The following SDK1 variants were observed in gnomAD, a reference collection of about 807,000 sequenced individuals.
The protein encoded by SDK1 is sidekick cell adhesion molecule 1.
In SDK1, 157 loss-of-function variants were observed where a neutral mutation model predicts 245.5. That is an observed-to-expected ratio of 0.64 (90% confidence interval 0.56 to 0.73). The LOEUF is 0.73. SDK1 is among the 30% of genes least tolerant of loss of function. SDK1 has a pLI of 0.00. For missense variants in SDK1, 3,583 were observed against 3,002.3 expected (o/e 1.19, Z -4.52); for synonymous variants, 1,647 against 1,278.5 (o/e 1.29, Z -6.15).
intron 5 of SDK1, among the ~76,000 whole-genome samples, chr7:3,917,109 G>A (rs1004343445): frequency 3.9e-5 from 6 of 152,294 alleles, no homozygotes; most frequent in Middle Eastern, 3.4e-3. Context: ...TCCTGAAATA[G>A]TATAAAACAT....
chr7:4,034,679 C>A (rs371384737), intron 17 of SDK1, among the ~76,000 whole-genome samples: 10 of 152,142 alleles, frequency 6.6e-5, no homozygotes, highest in Non-Finnish European at 1.3e-4. Context: ...GGAGTTTATT[C>A]CAAAAATGAA....
intron 1 of SDK1, among the ~76,000 whole-genome samples, chr7:3,579,154 A>T (rs542635482): frequency 6.6e-6 from 1 of 152,152 alleles, no homozygotes; most frequent in South Asian, 2.1e-4. Context: ...CAATAAATTG[A>T]GGAGGAGGGA....
rs1783482699 is a variant in SDK1 at position 3,664,996 on chromosome 7, C to CTTT, written c.713+22892_713+22894dup. Among the ~76,000 whole-genome samples the CTTT allele has an allele frequency of 2.0e-5, 3 of 152,260 alleles. No homozygotes were observed. In the South Asian group the frequency reaches 6.2e-4, roughly 32 times the overall value. On this transcript the variant is annotated intron_variant, in intron 4 of 44. Coordinates refer to ENST00000404826, the MANE Select transcript of SDK1 (RefSeq NM_152744.4). ...GCAGGATGATTCAGACCATTATAAA[C>CTTT]TTTGAGTAGGCTCTTCTGAATAACT...
chr7:3,736,046 T>A (rs1168193987), intron 4 of SDK1, among the ~76,000 whole-genome samples: 1 of 152,160 alleles, frequency 6.6e-6, no homozygotes, highest in Non-Finnish European at 1.5e-5. Flanking sequence ...TTTGTTTTTC[T>A]CTTGTTGAAT....
At chr7:4,053,305 C>T (rs528851396) in intron 19 of SDK1, among the ~76,000 whole-genome samples, 12 of 152,120 alleles carry the variant, frequency 7.9e-5, no homozygotes, top group Middle Eastern at 6.8e-3. Context: ...GCCACCAAGA[C>T]GGATTCCTTG....
chr7:4,078,555 A>T (rs1780844878), intron 21 of SDK1, among the ~76,000 whole-genome samples: 1 of 152,122 alleles, frequency 6.6e-6, no homozygotes, highest in Admixed American at 6.5e-5. Context: ...GCAACAGCAA[A>T]TGAGGAAAGC....
At chr7:3,665,368 A>G (rs865949095) in intron 4 of SDK1, among the ~76,000 whole-genome samples, 7 of 152,240 alleles carry the variant, frequency 4.6e-5, no homozygotes, top group African/African-American at 1.4e-4. Context: ...ATGAATCTAC[A>G]TATCAGTTAA....
chr7:3,335,406 A>G (rs537246330), intron 1 of SDK1, among the ~76,000 whole-genome samples: 1 of 145,716 alleles, frequency 6.9e-6, no homozygotes, highest in East Asian at 2.1e-4. Context: ...GATAAGATAC[A>G]TAATGGTACT....
intron 4 of SDK1, among the ~76,000 whole-genome samples, chr7:3,812,800 T>G (rs1357910063): frequency 1.3e-5 from 2 of 152,218 alleles, no homozygotes; most frequent in Non-Finnish European, 2.9e-5. Context: ...CCTGCCTGAA[T>G]GCAGTTGTGC....
intron 43 of SDK1, among the ~76,000 whole-genome samples, chr7:4,244,840 C>G (rs1232542857): frequency 6.6e-6 from 1 of 152,218 alleles, no homozygotes; most frequent in Non-Finnish European, 1.5e-5. Flanking sequence ...CTTCTTGGCC[C>G]TCCTCTGGAG....
At chr7:3,574,679 T>A (rs546671030) in intron 1 of SDK1, among the ~76,000 whole-genome samples, 10 of 152,138 alleles carry the variant, frequency 6.6e-5, no homozygotes, top group African/African-American at 2.2e-4. Context: ...GCTAAAGTAG[T>A]GTATAAAGTA....
chr7:4,040,925 G>C (rs1045490315), intron 17 of SDK1, among the ~76,000 whole-genome samples: 1 of 152,198 alleles, frequency 6.6e-6, no homozygotes, highest in Non-Finnish European at 1.5e-5. Flanking sequence ...CAAGTTTCTA[G>C]CTTGCTTATC....
chr7:3,301,656 G>C lies in SDK1; in HGVS notation c.70G>C (p.Gly24Arg). ...CGGCGCGGAGCCCCCTGAGCGCGCG[G>C]GCCCCGGGCGGCCGCGGGGATCCCC... ...GGGAEPPERA[G>R]PGRPRGSPPG... Residue 24 changes from glycine to arginine, a missense_variant, in exon 1 of 45, where the codon GGC (glycine) becomes CGC (arginine). By Grantham distance (125) the Gly-to-Arg change is moderately radical (BLOSUM62 -2). Coordinates refer to ENST00000404826, the MANE Select transcript of SDK1 (RefSeq NM_152744.4). 1.0e-6 allele frequency: 1 copy of C among 976,478 alleles called. No individual in the cohort carries two copies. Among genetic ancestry groups the C allele is most frequent in the African/African-American group, 1.8e-5 (1 of 56,128 alleles). 60.5% of individuals were successfully genotyped at this position (976,478 alleles called of 1,614,324 possible). A position where few individuals can be genotyped will look rare whatever the true frequency, so the allele number is the denominator to read the frequency against.
intron 5 of SDK1, among the ~76,000 whole-genome samples, chr7:3,899,339 C>A (rs1424134511): frequency 6.6e-6 from 1 of 152,168 alleles, no homozygotes; most frequent in Non-Finnish European, 1.5e-5. Flanking sequence ...ATCTCCCCAT[C>A]ATCTACAGGC....
intron 1 of SDK1, among the ~76,000 whole-genome samples, chr7:3,518,442 G>C (rs935282727): frequency 6.6e-6 from 1 of 151,292 alleles, no homozygotes; most frequent in Non-Finnish European, 1.5e-5. Flanking sequence ...TCATCTCAAA[G>C]GGAACTAATA....
At chr7:4,101,314 T>C (rs1782524396) in intron 22 of SDK1, among the ~76,000 whole-genome samples, 1 of 152,060 alleles carries the variant, frequency 6.6e-6, no homozygotes. Context: ...GCCCGGCTAA[T>C]TTTTTGTGTT....
intron 4 of SDK1, among the ~76,000 whole-genome samples, chr7:3,778,983 A>C (rs1319412398): frequency 6.6e-6 from 1 of 152,224 alleles, no homozygotes; most frequent in Non-Finnish European, 1.5e-5. Flanking sequence ...TTGAGATTCC[A>C]TTGTAGCAGC....
In SDK1 at chr7:3,585,854, T is replaced by C. The variant is rs191441644; in HGVS notation, c.299-33226T>C. Among the ~76,000 whole-genome samples the C allele has an allele frequency of 6.1e-4, 93 of 152,284 alleles. 1 individual carries two copies. Among genetic ancestry groups the C allele is most frequent in the African/African-American group, 2.2e-3 (92 of 41,558 alleles). ...AGCGAGGAAATAAATCTGTTTCTCTTTTCCATTTTCCAAGAAGGGAGGGAA... is the reference window on the plus strand; with the variant it reads ...AGCGAGGAAATAAATCTGTTTCTCTCTTCCATTTTCCAAGAAGGGAGGGAA... On this transcript the variant is annotated intron_variant, in intron 1 of 44. Coordinates refer to ENST00000404826, the MANE Select transcript of SDK1 (RefSeq NM_152744.4).
intron 5 of SDK1, among the ~76,000 whole-genome samples, chr7:3,903,866 G>A (rs1412782396): frequency 6.6e-6 from 1 of 152,012 alleles, no homozygotes; most frequent in Non-Finnish European, 1.5e-5. Context: ...TTGCCCTATT[G>A]GTTCCTGAGA....
Sources: gnomAD v4.1 joint callset for allele counts (sites outside exome capture counted in the v4.1 genomes callset) on GRCh38, gnomAD v4.1.1 for gene constraint, MANE v1.5 for transcripts, NCBI Gene and HGNC (gene_info 2026-07-23, HGNC 2026-07-21) for gene names.